The following RANBP2 variants were observed in gnomAD, a reference collection of about 807,000 sequenced individuals.
The protein encoded by RANBP2 is RAN binding protein 2.
A neutral mutation model predicts 303.6 loss-of-function variants in RANBP2; 57 were observed. That is an observed-to-expected ratio of 0.19 (90% CI 0.15 to 0.23). RANBP2 has a LOEUF of 0.23. Ranked by LOEUF, RANBP2 falls within the 10% of genes least tolerant of loss-of-function variation. The pLI, the probability that RANBP2 is intolerant of heterozygous loss-of-function variation, is 1.00. For missense variants in RANBP2, 3,138 were observed against 3,780.8 expected (o/e 0.83, Z 4.46); for synonymous variants, 1,167 against 1,301.5 (o/e 0.90, Z 2.23).
chr2:109,171,385 G>T, the RANBP2 span, among the ~76,000 whole-genome samples: 1 of 152,260 alleles, frequency 6.6e-6, no homozygotes, highest in Admixed American at 6.5e-5. Flanking sequence ...TGTTGTTAGT[G>T]ACTATGAATA....
the RANBP2 span, among the ~76,000 whole-genome samples, chr2:109,498,059 C>T: frequency 2.5e-4 from 38 of 152,236 alleles, no homozygotes; most frequent in Middle Eastern, 3.4e-3. Flanking sequence ...GGCTGCATCC[C>T]GGCAGCCATC....
chr2:109,636,365 T>C, the RANBP2 span, among the ~76,000 whole-genome samples: 3 of 152,096 alleles, frequency 2.0e-5, no homozygotes, highest in Non-Finnish European at 4.4e-5. Flanking sequence ...ATTACTTCTA[T>C]GAAAAGAAGA....
the RANBP2 span, among the ~76,000 whole-genome samples, chr2:109,190,339 A>G: frequency 6.6e-6 from 1 of 152,166 alleles, no homozygotes; most frequent in Non-Finnish European, 1.5e-5. Flanking sequence ...ACGCCTGGCT[A>G]ATTTTTGTAC....
the RANBP2 span, among the ~76,000 whole-genome samples, chr2:108,943,837 C>T: frequency 6.6e-6 from 1 of 152,040 alleles, no homozygotes; most frequent in South Asian, 2.1e-4. Context: ...GGATGCCAGC[C>T]CGGGGCTGAG....
the RANBP2 span, among the ~76,000 whole-genome samples, chr2:109,520,355 C>A: frequency 6.6e-6 from 1 of 152,184 alleles, no homozygotes; most frequent in East Asian, 1.9e-4. Context: ...GTAATCCCAG[C>A]ACTTTGGGAG....
chr2:109,410,548 G>A, the RANBP2 span, among the ~76,000 whole-genome samples: 2 of 152,206 alleles, frequency 1.3e-5, no homozygotes, highest in Admixed American at 1.3e-4. Context: ...TTGCACTACT[G>A]GGCTCATGTG....
At chr2:109,389,504 T>A in the RANBP2 span, among the ~76,000 whole-genome samples, 261 of 152,308 alleles carry the variant, frequency 1.7e-3, 1 homozygote, top group African/African-American at 5.8e-3. Flanking sequence ...CCAATATTTA[T>A]TCTATTCCGT....
the RANBP2 span, among the ~76,000 whole-genome samples, chr2:109,649,112 C>T: frequency 5.3e-5 from 8 of 152,186 alleles, no homozygotes; most frequent in African/African-American, 1.9e-4. Flanking sequence ...ATAATGCTCA[C>T]TAACAGTTAT....
chr2:109,733,192 A>G, the RANBP2 span: 1 of 443,912 alleles, frequency 2.3e-6, no homozygotes, highest in South Asian at 1.7e-5. Context: ...AAAAAAAAAA[A>G]AAAAGCTGAC....
the RANBP2 span, among the ~76,000 whole-genome samples, chr2:109,194,554 A>T: frequency 4.0e-5 from 6 of 151,884 alleles, no homozygotes; most frequent in South Asian, 1.2e-3. Context: ...GGCGAGGAGC[A>T]CCCCCACTTT....
the RANBP2 span, among the ~76,000 whole-genome samples, chr2:109,335,116 C>A: frequency 1.3e-5 from 2 of 152,232 alleles, no homozygotes; most frequent in African/African-American, 2.4e-5. Flanking sequence ...CCGAACATTT[C>A]GTGTTTTCGG....
At chr2:109,273,429 C>T in the RANBP2 span, among the ~76,000 whole-genome samples, 15 of 152,266 alleles carry the variant, frequency 9.9e-5, no homozygotes, top group Non-Finnish European at 1.9e-4. Context: ...CCATGCCTGC[C>T]CCCAGGAGGT....
the RANBP2 span, among the ~76,000 whole-genome samples, chr2:109,039,536 A>G: frequency 6.8e-3 from 1,035 of 152,164 alleles, 6 homozygotes; most frequent in East Asian, 0.035. Context: ...TTTTTAGTAG[A>G]GTCAGGGTTT....
the RANBP2 span, among the ~76,000 whole-genome samples, chr2:109,666,506 A>G: frequency 6.6e-6 from 1 of 152,252 alleles, no homozygotes; most frequent in Non-Finnish European, 1.5e-5. Context: ...TTTCTGAGGC[A>G]GTTAAGAATT....
At chr2:109,363,821 T>G in the RANBP2 span, among the ~76,000 whole-genome samples, 1 of 152,240 alleles carries the variant, frequency 6.6e-6, no homozygotes, top group Non-Finnish European at 1.5e-5. Flanking sequence ...AAAATTCAAA[T>G]GTAACTCTTT....
the RANBP2 span, among the ~76,000 whole-genome samples, chr2:109,587,158 C>T: frequency 6.6e-5 from 10 of 151,920 alleles, no homozygotes; most frequent in Admixed American, 4.6e-4. Context: ...GGTGGCATGA[C>T]GGGGAATTAC....
chr2:108,930,137 C>A, the RANBP2 span: 3 of 1,613,758 alleles, frequency 1.9e-6, no homozygotes, highest in Non-Finnish European at 2.5e-6. Flanking sequence ...GGCTCCTCTC[C>A]CGGCCCACAC....
the RANBP2 span, among the ~76,000 whole-genome samples, chr2:109,372,918 TC>T: frequency 6.6e-6 from 1 of 152,196 alleles, no homozygotes; most frequent in Non-Finnish European, 1.5e-5. Flanking sequence ...ATCTGTCAAT[TC>T]CCCGTTGCCT....
the RANBP2 span, among the ~76,000 whole-genome samples, chr2:109,022,629 G>A: frequency 3.3e-5 from 5 of 152,298 alleles, no homozygotes; most frequent in Middle Eastern, 3.4e-3. Flanking sequence ...GAAGAGGGAT[G>A]AGAAATTACC....
Sources: gnomAD v4.1 joint callset for allele counts (sites outside exome capture counted in the v4.1 genomes callset) on GRCh38, gnomAD v4.1.1 for gene constraint, MANE v1.5 for transcripts, NCBI Gene and HGNC (gene_info 2026-07-23, HGNC 2026-07-21) for gene names.